DGKZ: variants seen among roughly 807,000 people sequenced by gnomAD.
The protein encoded by DGKZ is diacylglycerol kinase zeta, also known as DAG kinase zeta.
In DGKZ, 45 loss-of-function variants were observed where a neutral mutation model predicts 142.5. The ratio of observed to expected loss-of-function variants is 0.32; its 90% CI spans 0.25 to 0.40. The LOEUF (loss-of-function observed/expected upper bound fraction) is 0.40. Ranked by LOEUF, DGKZ falls within the 10% of genes least tolerant of loss-of-function variation. The pLI, the probability that DGKZ is intolerant of heterozygous loss-of-function variation, is 1.00. For synonymous variants in DGKZ, 442 were observed against 527.0 expected (o/e 0.84, Z 2.21); for missense variants, 755 against 1,306.5 (o/e 0.58, Z 6.51).
At chr11:46,351,954 C>T (rs1443133054) in intron 1 of DGKZ, among the ~76,000 whole-genome samples, 1 of 152,176 alleles carries the variant, frequency 6.6e-6, no homozygotes, top group Non-Finnish European at 1.5e-5. Flanking sequence ...CCAGGATTCT[C>T]GGTTGGCACA....
At chr11:46,346,181 T>C (rs1590389154), upstream of DGKZ, among the ~76,000 whole-genome samples, 1 of 152,114 alleles carries the variant, frequency 6.6e-6, no homozygotes, top group Non-Finnish European at 1.5e-5. Flanking sequence ...TGTCCGCAGG[T>C]CACAGCCCTA....
chr11:46,369,613 G>C, intron 5 of DGKZ, 63 bp downstream of exon 5: 1 of 1,601,950 alleles, frequency 6.2e-7, no homozygotes. Context: ...CCTCTGCGCA[G>C]TGCCTCTGGA....
At position 46,372,544 on chromosome 11, in the gene DGKZ, G is replaced by C. The variant is rs938053706; in HGVS notation, c.1010+34G>C. 3 of 1,613,718 alleles carry C rather than the reference G, an allele frequency of 1.9e-6. No individual in the cohort carries two copies. The highest frequency in any genetic ancestry group is 2.5e-6 in the Non-Finnish European group (3 of 1,179,926). On this transcript the variant is annotated intron_variant, in intron 11 of 30. Coordinates refer to ENST00000527911, the Ensembl canonical transcript of DGKZ. The surrounding 1 kb of genome is among the most constrained non-coding windows in gnomAD (Gnocchi z 5.9). Reference sequence around the variant, plus strand: ...TTGCCAAGGTTTTGTGGGGGACATGGGGGGGAACTTGCCTCACTCCTGGGG... The same window carrying C: ...TTGCCAAGGTTTTGTGGGGGACATGCGGGGGAACTTGCCTCACTCCTGGGG...
chr11:46,346,635 T>C (rs1298151178), upstream of DGKZ, among the ~76,000 whole-genome samples: 4 of 152,186 alleles, frequency 2.6e-5, no homozygotes, highest in South Asian at 2.1e-4. Context: ...TATTTGTATG[T>C]AGGAGAAAGG....
intron 14 of DGKZ, 44 bp downstream of exon 14, chr11:46,373,145 G>A (rs1167148747): frequency 6.6e-7 from 1 of 1,504,388 alleles, no homozygotes; most frequent in South Asian, 1.3e-5. Context: ...GGTGACTGGG[G>A]ACTGGATCCC....
intron 1 of DGKZ, chr11:46,364,612 GTCCA>G (rs1943052789): frequency 1.0e-6 from 1 of 985,280 alleles, no homozygotes; most frequent in Non-Finnish European, 1.2e-6. Context: ...CCTCCACCCT[GTCCA>G]TCTCTCCCCC....
In DGKZ at chr11:46,367,169, C is replaced by T. The variant is rs1943403651; in HGVS notation, c.162-122C>T. ...GGGAGCCTCTTAGTGTCTGGGGCTG[C>T]TGGGAGGCTCCTCCGCCCTCCCTGT... is the stretch of plus-strand genomic sequence containing the variant. On this transcript the variant is annotated intron_variant, in intron 1 of 30. Coordinates refer to ENST00000527911, the Ensembl canonical transcript of DGKZ. This position sits in a 1 kb window ranked among gnomAD's most constrained non-coding sequence, Gnocchi z 4.1. The T allele has an allele frequency of 5.6e-6, 7 of 1,254,150 alleles. No homozygotes were observed. The highest frequency in any genetic ancestry group is 6.8e-6 in the Non-Finnish European group (6 of 879,488). The allele number at this position is 1,254,150 out of a possible 1,614,324, so 77.7% of individuals were successfully genotyped here.
At chr11:46,368,168 G>A in intron 4 of DGKZ, 89 bp downstream of exon 4, 4 of 1,398,608 alleles carry the variant, frequency 2.9e-6, no homozygotes, top group Non-Finnish European at 4.0e-6. Context: ...TTATACAAAC[G>A]GCCTGCCAGG....
In DGKZ at chr11:46,366,785, C is replaced by G. The variant is rs1190390648; in HGVS notation, c.162-506C>G. ...CGCGGATGCCGTATATGACCACGCTCTCTGGGGCCTGCACGGCTACTATCG... is the reference window on the plus strand; with the variant it reads ...CGCGGATGCCGTATATGACCACGCTGTCTGGGGCCTGCACGGCTACTATCG... On this transcript the variant is annotated intron_variant, in intron 1 of 30. Transcript: ENST00000527911. 1.9e-6 allele frequency: 3 copies of G among 1,548,102 alleles called. No homozygotes were observed. The South Asian group carries it at 3.6e-5, about 18-fold the overall frequency.
At chr11:46,351,383 CCT>C in intron 1 of DGKZ, among the ~76,000 whole-genome samples, 1 of 152,324 alleles carries the variant, frequency 6.6e-6, no homozygotes, top group African/African-American at 2.4e-5. Context: ...AGGAGGCACA[CCT>C]GCAGAACCAG....
intron 5 of DGKZ, 156 bp downstream of exon 5, chr11:46,369,706 G>C (rs1159808960): frequency 1.9e-6 from 2 of 1,050,502 alleles, no homozygotes; most frequent in Admixed American, 4.3e-5. Flanking sequence ...CCTAACTAGC[G>C]CTGCCTGCGG....
chr11:46,362,765 A>G (rs1942813619), intron 1 of DGKZ, among the ~76,000 whole-genome samples: 2 of 152,176 alleles, frequency 1.3e-5, no homozygotes, highest in Admixed American at 1.3e-4. Context: ...TGTCCGCTCC[A>G]GCTGTAGCTG....
chr11:46,342,693 C>T (rs75848787), upstream of DGKZ, among the ~76,000 whole-genome samples: 11 of 152,306 alleles, frequency 7.2e-5, no homozygotes, highest in South Asian at 1.4e-3. Context: ...ATATCCCCTA[C>T]CTTAGAGCAG....
At chr11:46,359,860 C>A (rs530530907) in intron 1 of DGKZ, among the ~76,000 whole-genome samples, 10 of 151,558 alleles carry the variant, frequency 6.6e-5, no homozygotes, top group African/African-American at 2.4e-4. Context: ...TCAGTTGATC[C>A]GCCCACCTCG....
chr11:46,347,670 G>A lies in DGKZ; in HGVS notation c.11G>A (p.Arg4Gln). Reference sequence around the variant, plus strand: ...CGGGGCTAGGGCCGGATGGAGCCGCGGGACGGTAGCCCCGAGGCCCGGAGC... The same window carrying A: ...CGGGGCTAGGGCCGGATGGAGCCGCAGGACGGTAGCCCCGAGGCCCGGAGC... Residue 4 changes from arginine to glutamine, a missense_variant, in exon 1 of 31, where the codon CGG (arginine) becomes CAG (glutamine). Arg to Gln is a conservative substitution (Grantham distance 43). Coordinates refer to ENST00000527911, the Ensembl canonical transcript of DGKZ. The surrounding 1 kb of genome is among the most constrained non-coding windows in gnomAD (Gnocchi z 6.4). 1.4e-6 allele frequency: 2 copies of A among 1,431,694 alleles called. No individual in the cohort carries two copies. The highest frequency in any genetic ancestry group is 1.4e-5 in the South Asian group (1 of 72,918). 88.7% of individuals were successfully genotyped at this position (1,431,694 alleles called of 1,614,324 possible). A position where few individuals can be genotyped will look rare whatever the true frequency, so the allele number is the denominator to read the frequency against.
At chr11:46,368,146 C>G in intron 4 of DGKZ, 67 bp downstream of exon 4, 2 of 1,522,596 alleles carry the variant, frequency 1.3e-6, no homozygotes, top group East Asian at 4.5e-5. Context: ...AGCGCGCACT[C>G]ACACCCACAT....
intron 27 of DGKZ, 124 bp from the exon 28 acceptor site, chr11:46,378,867 T>G: frequency 7.1e-7 from 1 of 1,409,308 alleles, no homozygotes; most frequent in Non-Finnish European, 9.4e-7. Flanking sequence ...AACTCAGGAG[T>G]AAGATGTGTG....
Position 46,378,896 on chromosome 11 carries a change from C to G in DGKZ, c.2419-95C>G, listed in dbSNP as rs566463578. ...ATGTGTGAGCGCACTCGTTTCAGGC[C>G]TGTGCTGGTGTACCCGGCTGTGGGC... On this transcript the variant is annotated intron_variant, in intron 27 of 30. Transcript: ENST00000527911. 77 of 1,477,260 alleles carry G rather than the reference C, an allele frequency of 5.2e-5. No individual in the cohort carries two copies. The East Asian group carries it at 1.8e-3, about 34-fold the overall frequency. The allele number at this position is 1,477,260 out of a possible 1,614,324, so 91.5% of individuals were successfully genotyped here.
At chr11:46,376,858 TG>T in intron 24 of DGKZ, 1 of 634,242 alleles carries the variant, frequency 1.6e-6, no homozygotes, top group Non-Finnish European at 2.8e-6. Context: ...AAAGGCATTC[TG>T]GTCAGGCGCC....
Sources: allele counts gnomAD v4.1 joint callset (sites outside exome capture counted in the v4.1 genomes callset), GRCh38; gene constraint gnomAD v4.1.1; non-coding constraint Gnocchi (gnomAD v3.1); transcripts MANE v1.5; gene names NCBI Gene and HGNC (gene_info 2026-07-23, HGNC 2026-07-21).